The following RFTN1 variants were observed in gnomAD, a reference collection of about 807,000 sequenced individuals.
The protein encoded by RFTN1 is raftlin.
In RFTN1, 26 loss-of-function variants were observed where a neutral mutation model predicts 46.5. The ratio of observed to expected loss-of-function variants is 0.56; its 90% CI spans 0.41 to 0.78. RFTN1 has a LOEUF of 0.78. Among genes scored for constraint, RFTN1 ranks in the 30% least tolerant of loss-of-function variants. The probability of loss-of-function intolerance (pLI) is 0.00; values close to 1 mark genes in which losing one functional copy is unlikely to be tolerated. For missense variants in RFTN1, 693 were observed against 718.7 expected (o/e 0.96, Z 0.41); for synonymous variants, 261 against 284.2 (o/e 0.92, Z 0.82).
rs1202758549 is a variant in RFTN1, at chr3:16,428,627, T to A, written c.332+5224A>T. On this transcript the variant is annotated intron_variant, in intron 3 of 9. Transcript: ENST00000334133. This position sits in a 1 kb window ranked among gnomAD's most constrained non-coding sequence, Gnocchi z 4.7. ...GCTGGTCCCTGTACCATGTAAGGCATTACTCTACGGAAGCTGTCGCCAAAG... is the reference window on the plus strand; with the variant it reads ...GCTGGTCCCTGTACCATGTAAGGCAATACTCTACGGAAGCTGTCGCCAAAG... Among the ~76,000 whole-genome samples the A allele has an allele frequency of 6.6e-6, 1 of 152,178 alleles. No homozygotes were observed. Among genetic ancestry groups the A allele is most frequent in the African/African-American group, 2.4e-5 (1 of 41,436 alleles).
rs2072849102 is a variant in RFTN1 at position 16,361,787 on chromosome 3, TG to T, written c.1031-3741del. ...AGCAGAGACATAAAAAGCACGTGTG[TG>T]GTTGAACTTGGCCTCTTGTGTCTTG... is the stretch of plus-strand genomic sequence containing the variant. On this transcript the variant is annotated intron_variant, in intron 6 of 9. Transcript: ENST00000334133. This position sits in a 1 kb window ranked among gnomAD's most constrained non-coding sequence, Gnocchi z 4.3. Among the ~76,000 whole-genome samples, 1 of 152,132 alleles carries T rather than the reference TG, an allele frequency of 6.6e-6. No individual in the cohort carries two copies. The highest frequency in any genetic ancestry group is 6.6e-5 in the Admixed American group (1 of 15,266).
rs1248604630 is a variant in RFTN1, at chr3:16,336,124, T to C, written c.1147-9248A>G. On this transcript the variant is annotated intron_variant, in intron 7 of 9. Transcript: ENST00000334133. The surrounding 1 kb of genome is among the most constrained non-coding windows in gnomAD (Gnocchi z 6.0). ...AGACAGAAAGAAGGGCCACTTCACC[T>C]CTACCTCTCCCTAGCAAGTGGAAGG... 6.6e-6 allele frequency among the ~76,000 whole-genome samples: 1 copy of C among 152,196 alleles called. No individual in the cohort carries two copies. The highest frequency in any genetic ancestry group is 1.5e-5 in the Non-Finnish European group (1 of 68,030).
At chr3:16,462,370 A>G (rs2076020774) in intron 2 of RFTN1, among the ~76,000 whole-genome samples, 1 of 152,264 alleles carries the variant, frequency 6.6e-6, no homozygotes, top group South Asian at 2.1e-4. Context: ...CCTAATCCCT[A>G]GAACCTGTGA....
chr3:16,326,959 A>T, intron 7 of RFTN1, 83 bp from the exon 8 acceptor site: 1 of 1,024,208 alleles, frequency 9.8e-7, no homozygotes, highest in Non-Finnish European at 1.5e-6. Flanking sequence ...CAGTCTGCCA[A>T]TCCGCAAAAC....
At chr3:16,365,456 T>A (rs1223557578) in intron 6 of RFTN1, among the ~76,000 whole-genome samples, 1 of 152,006 alleles carries the variant, frequency 6.6e-6, no homozygotes, top group East Asian at 1.9e-4. Context: ...TAATATATAT[T>A]TTATTTAAAA....
chr3:16,362,069 C>T (rs910106316), intron 6 of RFTN1, among the ~76,000 whole-genome samples: 4 of 152,220 alleles, frequency 2.6e-5, no homozygotes, highest in Non-Finnish European at 5.9e-5. Context: ...AAAAACAAGA[C>T]CACTGTACTT....
chr3:16,461,142 A>C (rs2076002760), intron 2 of RFTN1, among the ~76,000 whole-genome samples: 1 of 152,272 alleles, frequency 6.6e-6, no homozygotes, highest in African/African-American at 2.4e-5. Flanking sequence ...AGGTTTAGGT[A>C]GAAGCTAATG....
At chr3:16,330,374 C>G (rs1208718186) in intron 7 of RFTN1, among the ~76,000 whole-genome samples, 1 of 152,182 alleles carries the variant, frequency 6.6e-6, no homozygotes, top group Admixed American at 6.5e-5. Context: ...GATGGCATTT[C>G]TAAAATACAA....
At chr3:16,331,804 G>A (rs1301829346) in intron 7 of RFTN1, among the ~76,000 whole-genome samples, 2 of 152,170 alleles carry the variant, frequency 1.3e-5, no homozygotes, top group Admixed American at 6.5e-5. Context: ...ACATCCTGTA[G>A]TGACTCTCTA....
At chr3:16,486,267 C>T (rs1313574398) in intron 2 of RFTN1, among the ~76,000 whole-genome samples, 1 of 151,998 alleles carries the variant, frequency 6.6e-6, no homozygotes, top group Non-Finnish European at 1.5e-5. Context: ...CAGCATTGCC[C>T]CTTCCATCCT....
chr3:16,390,626 T>C (rs541955495), intron 4 of RFTN1, among the ~76,000 whole-genome samples: 3 of 152,216 alleles, frequency 2.0e-5, no homozygotes, highest in Non-Finnish European at 2.9e-5. Context: ...TCAAAAGCAA[T>C]AAAGAATGAT....
chr3:16,379,631 A>G (rs780141255), intron 4 of RFTN1, among the ~76,000 whole-genome samples: 2 of 152,208 alleles, frequency 1.3e-5, no homozygotes, highest in Non-Finnish European at 2.9e-5. Flanking sequence ...CATCAACTAC[A>G]TACATGTCTA....
In RFTN1 at chr3:16,479,225, C is replaced by T. The variant is rs1206473869; in HGVS notation, c.145+14500G>A. Among the ~76,000 whole-genome samples the T allele has an allele frequency of 3.3e-5, 5 of 152,138 alleles. No homozygotes were observed. The highest frequency in any genetic ancestry group is 1.2e-4 in the African/African-American group (5 of 41,412). On this transcript the variant is annotated intron_variant, in intron 2 of 9. Coordinates refer to ENST00000334133, the MANE Select transcript of RFTN1 (RefSeq NM_015150.2). The surrounding 1 kb of genome is among the most constrained non-coding windows in gnomAD (Gnocchi z 5.1). ...GGTTCACCCCTCAGGGACACTGATC[C>T]CCATCACTTGCCTTAAGCCACTTCT...
intron 5 of RFTN1, among the ~76,000 whole-genome samples, chr3:16,377,249 T>G (rs189049179): frequency 6.6e-6 from 1 of 152,200 alleles, no homozygotes; most frequent in East Asian, 1.9e-4. Context: ...TGGGTTCATA[T>G]GCCCGAACTG....
At position 16,338,829 on chromosome 3, in the gene RFTN1, T is replaced by C. The variant is rs911987727; in HGVS notation, c.1147-11953A>G. Among the ~76,000 whole-genome samples, 1 of 152,186 alleles carries C rather than the reference T, an allele frequency of 6.6e-6. No homozygotes were observed. The highest frequency in any genetic ancestry group is 1.5e-5 in the Non-Finnish European group (1 of 68,030). Reference sequence around the variant, plus strand: ...TTTCCAAAGTGTATAATTAAAAAGTTGTTTATTTTGGAGTTGGGGACCTGG... The same window carrying C: ...TTTCCAAAGTGTATAATTAAAAAGTCGTTTATTTTGGAGTTGGGGACCTGG... On this transcript the variant is annotated intron_variant, in intron 7 of 9. Transcript: ENST00000334133. The surrounding 1 kb of genome is among the most constrained non-coding windows in gnomAD (Gnocchi z 5.3).
Position 16,424,054 on chromosome 3 carries a change from C to T in RFTN1, c.332+9797G>A, listed in dbSNP as rs2075244597. On this transcript the variant is annotated intron_variant, in intron 3 of 9. Transcript: ENST00000334133. The surrounding 1 kb of genome is among the most constrained non-coding windows in gnomAD (Gnocchi z 4.7). ...CTCTAAGTGGTTTGCAGTTGTAGCC[C>T]TATGTTCTGAAACCAGCTGGGGAAT... 6.6e-6 allele frequency among the ~76,000 whole-genome samples: 1 copy of T among 152,126 alleles called. No homozygotes were observed. The highest frequency in any genetic ancestry group is 2.4e-5 in the African/African-American group (1 of 41,406).
Position 16,316,999 on chromosome 3 carries a change from A to G in RFTN1, c.1566T>C (p.Pro522=), listed in dbSNP as rs71310334. 12,891 of 1,613,964 alleles carry G rather than the reference A, an allele frequency of 8.0e-3. 57 individuals are homozygous for G. The highest frequency in any genetic ancestry group is 9.3e-3 in the Non-Finnish European group (10,939 of 1,179,964). The change falls in exon 10 of 10, where the codon CCT becomes CCC. Residue 522 remains proline, a synonymous_variant. Coordinates refer to ENST00000334133, the MANE Select transcript of RFTN1 (RefSeq NM_015150.2). This position sits in a 1 kb window ranked among gnomAD's most constrained non-coding sequence, Gnocchi z 4.5. ...CACCCACCCCACACAGCAGGCCACC[A>G]GGGGACAGCTGTTCTCCCTTGTCCT... ...VQEDKGEQLS[P]GGLLCGVGVE...
chr3:16,398,039 G>A (rs961624115), intron 4 of RFTN1, among the ~76,000 whole-genome samples: 3 of 152,048 alleles, frequency 2.0e-5, no homozygotes, highest in Non-Finnish European at 4.4e-5. Context: ...GAGGTCAGGA[G>A]TTCGAGACCA....
Position 16,320,438 on chromosome 3 carries a change from C to T in RFTN1, c.1332+2938G>A, listed in dbSNP as rs895441966. ...TGTCCTCGCTAAGAAGCTGATTACTCATTCATTGATTCGACAAGTATCTGT... is the reference window on the plus strand; with the variant it reads ...TGTCCTCGCTAAGAAGCTGATTACTTATTCATTGATTCGACAAGTATCTGT... On this transcript the variant is annotated intron_variant, in intron 9 of 9. Coordinates refer to ENST00000334133, the MANE Select transcript of RFTN1 (RefSeq NM_015150.2). The surrounding 1 kb of genome is among the most constrained non-coding windows in gnomAD (Gnocchi z 4.5). 2.6e-5 allele frequency among the ~76,000 whole-genome samples: 4 copies of T among 152,212 alleles called. No individual in the cohort carries two copies. The highest frequency in any genetic ancestry group is 5.9e-5 in the Non-Finnish European group (4 of 68,038).
Sources: allele counts gnomAD v4.1 joint callset (sites outside exome capture counted in the v4.1 genomes callset), GRCh38; gene constraint gnomAD v4.1.1; non-coding constraint Gnocchi (gnomAD v3.1); transcripts MANE v1.5; gene names NCBI Gene and HGNC (gene_info 2026-07-23, HGNC 2026-07-21).